Variants in OCA2 observed in about 807,000 individuals in gnomAD.
The protein encoded by OCA2 is P protein.
OCA2 carries 77 observed loss-of-function variants against 100.2 expected under a neutral mutation model. The observed-to-expected ratio is 0.77, with a 90% CI of 0.64 to 0.93. The LOEUF (loss-of-function observed/expected upper bound fraction) is 0.93, where lower values mean the gene tolerates loss of function less well. Among genes scored for constraint, OCA2 ranks in the 40% least tolerant of loss-of-function variants. The pLI is 0.00. For synonymous variants in OCA2, 432 were observed against 439.2 expected (o/e 0.98, Z 0.21); for missense variants, 1,062 against 1,089.1 (o/e 0.98, Z 0.35).
rs1299584997 is a variant in OCA2 at position 27,957,448 on chromosome 15, A to C, written c.1784+140T>G. On this transcript the variant is annotated intron_variant, in intron 16 of 23. Transcript: ENST00000354638. This position sits in a 1 kb window ranked among gnomAD's most constrained non-coding sequence, Gnocchi z 4.3. ...TGCAGAGCTCAGTGAGGGTTAGATA[A>C]AATGTACTATAAGAGGCTTAGCACA... is the stretch of plus-strand genomic sequence containing the variant. 2 of 1,027,834 alleles carry C rather than the reference A, an allele frequency of 1.9e-6. No homozygotes were observed. The highest frequency in any genetic ancestry group is 2.4e-5 in the East Asian group (1 of 41,760). 63.7% of individuals were successfully genotyped at this position (1,027,834 alleles called of 1,614,324 possible). A position where few individuals can be genotyped will look rare whatever the true frequency, so the allele number is the denominator to read the frequency against.
rs1266333399 is a variant in OCA2, at chr15:28,019,428, G to A, written c.647-871C>T. ...GCCCAGTGCCCTGGGAGCCTGACAG[G>A]CCTCCTTCAGACAACAATTCAGGGA... On this transcript the variant is annotated intron_variant, in intron 6 of 23. Coordinates refer to ENST00000354638, the MANE Select transcript of OCA2 (RefSeq NM_000275.3). 4.6e-5 allele frequency among the ~76,000 whole-genome samples: 7 copies of A among 152,094 alleles called. 1 individual carries two copies. In the South Asian group the frequency reaches 6.2e-4, roughly 14 times the overall value.
chr15:27,902,634 T>C (rs2037997499), intron 19 of OCA2, among the ~76,000 whole-genome samples: 1 of 152,120 alleles, frequency 6.6e-6, no homozygotes, highest in Admixed American at 6.5e-5. Flanking sequence ...GCAGTGACTG[T>C]CCATCTCTGG....
chr15:27,773,464 T>G (rs572169317), intron 23 of OCA2, among the ~76,000 whole-genome samples: 38 of 152,366 alleles, frequency 2.5e-4, no homozygotes, highest in African/African-American at 9.1e-4. Context: ...AAATTCTTAT[T>G]ATTTACAATA....
intron 23 of OCA2, among the ~76,000 whole-genome samples, chr15:27,791,162 T>C (rs2033062648): frequency 6.6e-6 from 1 of 152,140 alleles, no homozygotes; most frequent in South Asian, 2.1e-4. Flanking sequence ...TGGAACTTGT[T>C]ACCAGGCAGC....
At chr15:27,745,149 TA>T in the OCA2 span, among the ~76,000 whole-genome samples, 8 of 152,160 alleles carry the variant, frequency 5.3e-5, no homozygotes, top group Admixed American at 5.2e-4. Flanking sequence ...AAAGCAAGTT[TA>T]TTAAGAAAGT....
At chr15:27,819,262 C>G (rs2034417376) in intron 23 of OCA2, among the ~76,000 whole-genome samples, 1 of 152,150 alleles carries the variant, frequency 6.6e-6, no homozygotes, top group African/African-American at 2.4e-5. Context: ...GAAATAGAAG[C>G]AGAAGGAAGG....
chr15:28,019,280 G>A (rs777237391), intron 6 of OCA2, among the ~76,000 whole-genome samples: 3 of 152,016 alleles, frequency 2.0e-5, no homozygotes, highest in Non-Finnish European at 2.9e-5. Context: ...AAAGGGAGAG[G>A]AGAAAGAAGA....
In OCA2 at chr15:27,984,666, T is replaced by G. The variant is rs553373192; in HGVS notation, c.1364+398A>C. Among the ~76,000 whole-genome samples the G allele has an allele frequency of 2.6e-5, 4 of 152,290 alleles. No individual in the cohort carries two copies. The South Asian group carries it at 8.3e-4, about 32-fold the overall frequency. On this transcript the variant is annotated intron_variant, in intron 13 of 23. Transcript: ENST00000354638. ...ACCTCCGCCTCCCGGGTTCAAGGGA[T>G]TCTCCTGCCTCAGCCTCCCCAGTAG...
chr15:28,079,887 C>T (rs906737830), intron 2 of OCA2, among the ~76,000 whole-genome samples: 1 of 150,722 alleles, frequency 6.6e-6, no homozygotes. Flanking sequence ...TCTCCTTCCT[C>T]CTCCACCTGG....
intron 23 of OCA2, among the ~76,000 whole-genome samples, chr15:27,782,224 G>A (rs2032580291): frequency 6.6e-6 from 1 of 152,180 alleles, no homozygotes; most frequent in Non-Finnish European, 1.5e-5. Context: ...AAGCTACTAA[G>A]TTTGTTTCTG....
chr15:27,813,827 A>G (rs1282622612), intron 23 of OCA2, among the ~76,000 whole-genome samples: 1 of 152,184 alleles, frequency 6.6e-6, no homozygotes, highest in Admixed American at 6.5e-5. Context: ...GAAAACAATC[A>G]CCCTGTCCTG....
chr15:27,892,455 T>C (rs2037502196), intron 19 of OCA2, among the ~76,000 whole-genome samples: 1 of 152,164 alleles, frequency 6.6e-6, no homozygotes, highest in African/African-American at 2.4e-5. Flanking sequence ...TACTTCTAAA[T>C]AGTCTATGGG....
intron 19 of OCA2, among the ~76,000 whole-genome samples, chr15:27,901,282 G>T (rs1206780569): frequency 6.6e-6 from 1 of 152,172 alleles, no homozygotes; most frequent in Non-Finnish European, 1.5e-5. Context: ...CTTTAGTCCT[G>T]CCCCTGGTCT....
At chr15:27,913,880 AAAGAAAGAAAGAAAGCAAGCAAGC>A (rs2038527248) in intron 19 of OCA2, among the ~76,000 whole-genome samples, 1 of 66,142 alleles carries the variant, frequency 1.5e-5, no homozygotes, top group African/African-American at 7.7e-5. Flanking sequence ...AGAAAGAAAG[AAAGAAAGAAAGAAAGCAAGCAAGC>A]AAGCAAGCAA....
chr15:27,958,378 T>C (rs936666822), intron 15 of OCA2, among the ~76,000 whole-genome samples: 7 of 152,132 alleles, frequency 4.6e-5, no homozygotes, highest in Admixed American at 4.6e-4. Flanking sequence ...CTTTGAGGGG[T>C]TTCAGGAGCA....
intron 19 of OCA2, among the ~76,000 whole-genome samples, chr15:27,910,649 TA>T (rs1176179254): frequency 2.1e-5 from 3 of 141,536 alleles, no homozygotes; most frequent in Admixed American, 7.5e-5. Context: ...TGTATGTGCT[TA>T]TTTATGTTAA....
intron 23 of OCA2, among the ~76,000 whole-genome samples, chr15:27,770,850 C>CCA (rs2031719905): frequency 2.0e-5 from 2 of 101,440 alleles, no homozygotes; most frequent in African/African-American, 6.0e-5. Context: ...CTTTTCCTTC[C>CCA]TTCCTTTCTT....
At chr15:27,874,463 G>A (rs567135294) in intron 19 of OCA2, among the ~76,000 whole-genome samples, 61 of 152,266 alleles carry the variant, frequency 4.0e-4, no homozygotes, top group Admixed American at 1.5e-3. Flanking sequence ...AAAGCATCCC[G>A]CCTGCAGGCC....
intron 23 of OCA2, among the ~76,000 whole-genome samples, chr15:27,769,945 T>G (rs2031588169): frequency 6.7e-6 from 1 of 149,886 alleles, no homozygotes; most frequent in East Asian, 2.0e-4. Context: ...ACCAGGCTCA[T>G]CCTCAGCCCC....
Sources: gnomAD v4.1 joint callset for allele counts (sites outside exome capture counted in the v4.1 genomes callset) on GRCh38, gnomAD v4.1.1 for gene constraint, Gnocchi (gnomAD v3.1) non-coding constraint, MANE v1.5 for transcripts, NCBI Gene and HGNC (gene_info 2026-07-23, HGNC 2026-07-21) for gene names.